The following TDRD12 variants were observed in gnomAD, a reference collection of about 807,000 sequenced individuals.
The protein encoded by TDRD12 is tudor domain containing 12, also known as putative ATP-dependent RNA helicase TDRD12.
A neutral mutation model predicts 133.5 loss-of-function variants in TDRD12; 158 were observed. That is an observed-to-expected ratio of 1.18 (90% confidence interval 1.04 to 1.35). The LOEUF is 1.35. Ranked by LOEUF, TDRD12 falls within the 40% of genes most tolerant of loss-of-function variation. The pLI is 0.00. For synonymous variants in TDRD12, 460 were observed against 477.9 expected (o/e 0.96, Z 0.49); for missense variants, 1,443 against 1,321.3 (o/e 1.09, Z -1.43).
At chr19:32,799,699 C>A (rs1285330945) in intron 16 of TDRD12, among the ~76,000 whole-genome samples, 1 of 135,152 alleles carries the variant, frequency 7.4e-6, no homozygotes, top group Non-Finnish European at 1.6e-5. Flanking sequence ...TGACTTTAAA[C>A]TTGACATTTT....
At chr19:32,821,837 C>T (rs947595388), downstream of TDRD12, among the ~76,000 whole-genome samples, 2 of 152,200 alleles carry the variant, frequency 1.3e-5, no homozygotes, top group African/African-American at 2.4e-5. Context: ...TATTGCACAG[C>T]GCCTCAGCAA....
chr19:32,778,878 T>C lies in TDRD12; in HGVS notation c.1121+1649T>C, dbSNP rs192553808. Among the ~76,000 whole-genome samples the C allele has an allele frequency of 9.1e-4, 139 of 152,358 alleles. 1 individual carries two copies. The highest frequency in any genetic ancestry group is 7.4e-3 in the Admixed American group (114 of 15,308). On this transcript the variant is annotated intron_variant, in intron 11 of 27. Transcript: ENST00000444215. ...TCTCCTGTTCTGTTAAAATGCCCTT[T>C]ACTTAGAACCCACTGATTAAACAAC...
chr19:32,789,205 C>T (rs771944178), intron 11 of TDRD12, among the ~76,000 whole-genome samples: 4 of 152,168 alleles, frequency 2.6e-5, no homozygotes, highest in South Asian at 2.1e-4. Flanking sequence ...TCAGGCCTCC[C>T]GCGGCTGGCT....
At chr19:32,811,148 T>C (rs1973055570) in intron 23 of TDRD12, 62 bp from the exon 24 acceptor site, 4 of 1,281,138 alleles carry the variant, frequency 3.1e-6, no homozygotes, top group Non-Finnish European at 4.3e-6. Flanking sequence ...TCATGGTAAT[T>C]TGAGGCAAAG....
At chr19:32,788,497 G>T (rs1191262726) in intron 11 of TDRD12, among the ~76,000 whole-genome samples, 1 of 152,052 alleles carries the variant, frequency 6.6e-6, no homozygotes, top group African/African-American at 2.4e-5. Context: ...TTTTTAATTT[G>T]CAAGGGTTTT....
chr19:32,788,877 G>T (rs1970986254), intron 11 of TDRD12, among the ~76,000 whole-genome samples: 1 of 152,154 alleles, frequency 6.6e-6, no homozygotes, highest in Non-Finnish European at 1.5e-5. Flanking sequence ...TCTGGCCCCT[G>T]GGGCTAAAGA....
At chr19:32,822,589 T>C (rs1448512839), downstream of TDRD12, among the ~76,000 whole-genome samples, 1 of 150,514 alleles carries the variant, frequency 6.6e-6, no homozygotes, top group Non-Finnish European at 1.5e-5. Context: ...CTACTAAAAA[T>C]ACAAAAAATT....
intron 27 of TDRD12, among the ~76,000 whole-genome samples, 178 bp downstream of exon 27, chr19:32,818,335 G>A (rs565106535): frequency 1.6e-4 from 25 of 152,310 alleles, no homozygotes; most frequent in African/African-American, 5.5e-4. Context: ...ACAGAGACCC[G>A]GAGGTGCTGG....
intron 8 of TDRD12, among the ~76,000 whole-genome samples, chr19:32,772,163 C>A (rs1970459752): frequency 6.6e-6 from 1 of 152,168 alleles, no homozygotes; most frequent in Non-Finnish European, 1.5e-5. Context: ...CACGTTCTGG[C>A]AGTTGATGCT....
intron 11 of TDRD12, among the ~76,000 whole-genome samples, chr19:32,782,925 A>G (rs1272631522): frequency 6.6e-6 from 1 of 152,020 alleles, no homozygotes; most frequent in Admixed American, 6.6e-5. Context: ...GCTGTTCATT[A>G]TGATGATAGT....
rs146171489 is a variant in TDRD12, at chr19:32,782,652, C to T, written c.1121+5423C>T. Among the ~76,000 whole-genome samples, 276 of 152,228 alleles carry T rather than the reference C, an allele frequency of 1.8e-3. 4 individuals carry two copies. The highest frequency in any genetic ancestry group is 0.012 in the South Asian group (57 of 4,818). ...TGTTGTTTCCTGACTTTTTAATGAT[C>T]GCCATTCTAACTGGCATGAGATGGT... On this transcript the variant is annotated intron_variant, in intron 11 of 27. Coordinates refer to ENST00000444215, the Ensembl canonical transcript of TDRD12.
At chr19:32,807,500 A>G (rs1971587579) in intron 21 of TDRD12, 49 bp from the exon 22 acceptor site, 3 of 1,304,330 alleles carry the variant, frequency 2.3e-6, no homozygotes, top group Admixed American at 3.0e-5. Flanking sequence ...TAAAATTCAC[A>G]TTAACAATTA....
At chr19:32,758,631 C>A (rs903894180) in intron 8 of TDRD12, among the ~76,000 whole-genome samples, 4 of 152,110 alleles carry the variant, frequency 2.6e-5, no homozygotes, top group Admixed American at 6.6e-5. Context: ...TCACTAACTG[C>A]TTTTTAAAAT....
chr19:32,817,939 C>T (rs2145748584), intron 26 of TDRD12, 150 bp from the exon 27 acceptor site: 2 of 655,068 alleles, frequency 3.1e-6, no homozygotes, highest in South Asian at 1.7e-5. Flanking sequence ...ATCTGTAGGG[C>T]CTGGTAGCTT....
chr19:32,780,102 G>A (rs1314385101), intron 11 of TDRD12, among the ~76,000 whole-genome samples: 1 of 34,450 alleles, frequency 2.9e-5, no homozygotes, highest in South Asian at 9.2e-4. Context: ...TTTTTTTTTT[G>A]AGACAGAGTC....
chr19:32,738,843 G>T lies in TDRD12; in HGVS notation c.184-13G>T, dbSNP rs1317469810. The T allele has an allele frequency of 1.9e-6, 3 of 1,546,612 alleles. No homozygotes were observed. The highest frequency in any genetic ancestry group is 2.6e-6 in the Non-Finnish European group (3 of 1,145,938). ...AATAAATAAATAAAAATAACTCTCT[G>T]TTTATTTTGCAGGTGTGTGTGGTCT... On this transcript the variant is annotated splice_polypyrimidine_tract_variant and intron_variant, in intron 2 of 27. Transcript: ENST00000444215.
At chr19:32,763,683 G>A (rs1012226913) in intron 8 of TDRD12, among the ~76,000 whole-genome samples, 1 of 152,202 alleles carries the variant, frequency 6.6e-6, no homozygotes, top group Admixed American at 6.5e-5. Context: ...GCTCCAGGAG[G>A]CAGAACTCAC....
chr19:32,774,433 A>G (rs185119462), intron 10 of TDRD12, among the ~76,000 whole-genome samples: 14 of 148,632 alleles, frequency 9.4e-5, no homozygotes, highest in African/African-American at 3.2e-4. Context: ...CTTGCATTGC[A>G]GGTCTGCTGT....
In TDRD12 at chr19:32,757,717, C is replaced by T. The variant is rs140154387; in HGVS notation, c.865+587C>T. ...TGAAACAATGTTATAACGAAACAAC[C>T]TTGAGCAAAGCAACTTAATTTGAGG... On this transcript the variant is annotated intron_variant, in intron 8 of 27. Coordinates refer to ENST00000444215, the Ensembl canonical transcript of TDRD12. Among the ~76,000 whole-genome samples the T allele has an allele frequency of 7.8e-4, 118 of 152,236 alleles. 1 individual carries two copies. The highest frequency in any genetic ancestry group is 1.3e-3 in the Non-Finnish European group (89 of 68,006).
Sources: allele counts gnomAD v4.1 joint callset (sites outside exome capture counted in the v4.1 genomes callset), GRCh38; gene constraint gnomAD v4.1.1; transcripts MANE v1.5; gene names NCBI Gene and HGNC (gene_info 2026-07-23, HGNC 2026-07-21).